The following SCN11A variants were observed in gnomAD, a reference collection of about 807,000 sequenced individuals.
SCN11A encodes the protein sodium voltage-gated channel alpha subunit 11, also known as sodium channel protein type 11 subunit alpha.
Under a neutral mutation model 162.2 loss-of-function variants are expected in SCN11A, and 122 were observed. The ratio of observed to expected loss-of-function variants is 0.75; its 90% CI spans 0.65 to 0.87. SCN11A has a LOEUF of 0.87. SCN11A is among the 40% of genes least tolerant of loss of function. The pLI is 0.00. For synonymous variants in SCN11A, 758 were observed against 751.5 expected (o/e 1.01, Z -0.14); for missense variants, 2,015 against 2,181.6 (o/e 0.92, Z 1.52).
At chr3:39,009,392 G>A (rs947733241) in intron 2 of SCN11A, among the ~76,000 whole-genome samples, 1 of 151,054 alleles carries the variant, frequency 6.6e-6, no homozygotes, top group Non-Finnish European at 1.5e-5. Context: ...AAAATAAAAA[G>A]TGCATATATA....
chr3:38,930,781 A>C (rs2066227939), intron 7 of SCN11A, among the ~76,000 whole-genome samples: 1 of 152,168 alleles, frequency 6.6e-6, no homozygotes, highest in African/African-American at 2.4e-5. Context: ...GACATTTTTA[A>C]CAGCCTCCTC....
chr3:38,870,166 C>G (rs1360964518), intron 26 of SCN11A, among the ~76,000 whole-genome samples: 1 of 152,164 alleles, frequency 6.6e-6, no homozygotes. Flanking sequence ...GCAATTCCAA[C>G]TTTGGGAATC....
intron 1 of SCN11A, among the ~76,000 whole-genome samples, chr3:39,043,483 C>CAA (rs34032181): frequency 0.024 from 2,503 of 105,202 alleles, 30 homozygotes; most frequent in Non-Finnish European, 0.024. Context: ...ACTATACAGC[C>CAA]AAAAAAAAAA....
At chr3:38,959,202 A>C (rs1229229128) in intron 3 of SCN11A, among the ~76,000 whole-genome samples, 1 of 152,212 alleles carries the variant, frequency 6.6e-6, no homozygotes, top group East Asian at 1.9e-4. Flanking sequence ...ATTATCTTTC[A>C]GAATTTCCCC....
At chr3:38,917,109 CAAT>C (rs945682643) in intron 11 of SCN11A, among the ~76,000 whole-genome samples, 2 of 152,184 alleles carry the variant, frequency 1.3e-5, no homozygotes, top group African/African-American at 4.8e-5. Flanking sequence ...ATCAAAACCA[CAAT>C]GAGATACCAT....
At chr3:38,927,527 T>C (rs1324713342) in intron 7 of SCN11A, among the ~76,000 whole-genome samples, 1 of 152,162 alleles carries the variant, frequency 6.6e-6, no homozygotes, top group Admixed American at 6.5e-5. Flanking sequence ...AAACAAATTG[T>C]GAGGTCTCAC....
At chr3:38,921,499 T>G (rs2066052155) in intron 9 of SCN11A, among the ~76,000 whole-genome samples, 1 of 152,154 alleles carries the variant, frequency 6.6e-6, no homozygotes, top group South Asian at 2.1e-4. Context: ...TATGCCTGCC[T>G]CAGTGCTGCT....
At chr3:38,888,449 T>C (rs2065438550) in intron 19 of SCN11A, among the ~76,000 whole-genome samples, 1 of 152,082 alleles carries the variant, frequency 6.6e-6, no homozygotes, top group South Asian at 2.1e-4. Context: ...CCAAAATATA[T>C]GAGGAAACAA....
rs770684875 is a variant in SCN11A at position 38,921,061 on chromosome 3, A to G, written c.892+15T>C. On this transcript the variant is annotated intron_variant, in intron 10 of 29. Coordinates refer to ENST00000302328, the MANE Select transcript of SCN11A (RefSeq NM_001349253.2). The stretch of plus-strand genomic sequence containing the variant: ...ATGCAAAAACCAAGGAGTGAAAGAA[A>G]GGTTGGGTATTTACCATAAGCTTCC... The G allele has an allele frequency of 3.0e-5, 48 of 1,611,832 alleles. No individual in the cohort carries two copies. The highest frequency in any genetic ancestry group is 4.0e-5 in the Non-Finnish European group (47 of 1,178,322).
At chr3:38,954,752 G>A (rs1462869934) in intron 3 of SCN11A, among the ~76,000 whole-genome samples, 1 of 152,208 alleles carries the variant, frequency 6.6e-6, no homozygotes, top group Admixed American at 6.5e-5. Flanking sequence ...ACTGTGGGAG[G>A]CTAAGGCAGA....
chr3:38,960,985 G>T (rs895947416), intron 2 of SCN11A, among the ~76,000 whole-genome samples: 1 of 152,006 alleles, frequency 6.6e-6, no homozygotes, highest in Admixed American at 6.5e-5. Flanking sequence ...TGTTTTTTTT[G>T]TTGTTTGTTT....
intron 2 of SCN11A, among the ~76,000 whole-genome samples, chr3:38,983,865 T>C (rs551269096): frequency 1.3e-5 from 2 of 152,278 alleles, no homozygotes; most frequent in South Asian, 4.1e-4. Flanking sequence ...AGAAATTACT[T>C]AGAGATAAAC....
intron 2 of SCN11A, among the ~76,000 whole-genome samples, chr3:39,015,036 G>T (rs531877278): frequency 6.1e-4 from 93 of 152,268 alleles, no homozygotes; most frequent in African/African-American, 2.2e-3. Flanking sequence ...CCACTGCTAT[G>T]GTTTGAATAT....
At chr3:39,037,250 A>C (rs2031927608) in intron 1 of SCN11A, among the ~76,000 whole-genome samples, 1 of 152,236 alleles carries the variant, frequency 6.6e-6, no homozygotes, top group Admixed American at 6.5e-5. Flanking sequence ...GCATGTTATT[A>C]CTAATTTGTA....
chr3:39,048,451 A>G (rs1056136433), intron 1 of SCN11A, among the ~76,000 whole-genome samples: 15 of 152,320 alleles, frequency 9.8e-5, no homozygotes, highest in Middle Eastern at 3.4e-3. Flanking sequence ...TTGGTGTTCT[A>G]TATCACTGTA....
intron 5 of SCN11A, among the ~76,000 whole-genome samples, chr3:38,947,372 A>G (rs73828731): frequency 0.016 from 2,429 of 152,334 alleles, 67 homozygotes; most frequent in African/African-American, 0.056. Flanking sequence ...AACCTTGATG[A>G]TCTTCAAGAA....
chr3:38,907,025 C>A (rs918898184), intron 14 of SCN11A, among the ~76,000 whole-genome samples: 2 of 152,026 alleles, frequency 1.3e-5, no homozygotes, highest in African/African-American at 4.8e-5. Flanking sequence ...ATTCTCTCTG[C>A]AGGTAATGCT....
chr3:38,923,914 C>T (rs58972160), intron 9 of SCN11A, among the ~76,000 whole-genome samples: 10,301 of 152,118 alleles, frequency 0.068, 1,172 homozygotes, highest in African/African-American at 0.23. Context: ...GTGCAGCTGT[C>T]GGAGTCTCAG....
At chr3:38,908,144 T>G (rs1228768301) in intron 13 of SCN11A, 22 bp from the exon 14 acceptor site, 2 of 1,602,860 alleles carry the variant, frequency 1.2e-6, no homozygotes, top group Admixed American at 1.7e-5. Flanking sequence ...ACAAAAGCAA[T>G]TAAAGAACAG....
Sources: gnomAD v4.1 joint callset for allele counts (sites outside exome capture counted in the v4.1 genomes callset) on GRCh38, gnomAD v4.1.1 for gene constraint, MANE v1.5 for transcripts, NCBI Gene and HGNC (gene_info 2026-07-23, HGNC 2026-07-21) for gene names.